ZFHX3: variants seen among roughly 807,000 people sequenced by gnomAD.
ZFHX3 encodes the protein zinc finger homeobox 3, also known as zinc finger homeobox protein 3.
A neutral mutation model predicts 279.1 loss-of-function variants in ZFHX3; 42 were observed. The ratio of observed to expected loss-of-function variants is 0.15; its 90% CI spans 0.12 to 0.19. ZFHX3 has a LOEUF of 0.19. ZFHX3 is among the 10% of genes least tolerant of loss of function. The pLI, the probability that ZFHX3 is intolerant of heterozygous loss-of-function variation, is 1.00. For synonymous variants in ZFHX3, 2,293 were observed against 1,957.8 expected (o/e 1.17, Z -4.52); for missense variants, 4,981 against 4,754.0 (o/e 1.05, Z -1.40).
At chr16:72,821,246 C>T (rs2036782928) in intron 5 of ZFHX3, among the ~76,000 whole-genome samples, 1 of 152,098 alleles carries the variant, frequency 6.6e-6, no homozygotes, top group Non-Finnish European at 1.5e-5. Context: ...AGAACTTATA[C>T]TTAGGGAAGA....
chr16:73,852,399 A>G (rs1446195410), intron 1 of ZFHX3, among the ~76,000 whole-genome samples: 1 of 152,202 alleles, frequency 6.6e-6, no homozygotes, highest in African/African-American at 2.4e-5. Context: ...ATATTTCAAT[A>G]TAAATTGTTT....
intron 5 of ZFHX3, among the ~76,000 whole-genome samples, chr16:73,182,538 G>A (rs977982957): frequency 1.3e-5 from 2 of 152,000 alleles, no homozygotes; most frequent in African/African-American, 4.8e-5. Flanking sequence ...CCCACTACTG[G>A]GTATCTACCC....
In ZFHX3 at chr16:72,917,184, C is replaced by A. The variant is rs537104365; in HGVS notation, c.3217-27222G>T. Among the ~76,000 whole-genome samples the A allele has an allele frequency of 6.0e-4, 91 of 152,246 alleles. 1 individual carries two copies. Among genetic ancestry groups the A allele is most frequent in the African/African-American group, 2.1e-3 (88 of 41,544 alleles). On this transcript the variant is annotated intron_variant, in intron 3 of 9. Coordinates refer to ENST00000268489, the MANE Select transcript of ZFHX3 (RefSeq NM_006885.4). The stretch of plus-strand genomic sequence containing the variant: ...TGATTCCAGAAGGCCGAGGCTACAG[C>A]GAGCCATGATCACACCACTGCACTC...
intron 3 of ZFHX3, among the ~76,000 whole-genome samples, chr16:73,394,391 G>T (rs1040629518): frequency 6.6e-6 from 1 of 151,988 alleles, no homozygotes; most frequent in African/African-American, 2.4e-5. Flanking sequence ...CCACCTCCTG[G>T]TTCAACTGAT....
chr16:72,898,711 T>A (rs1344352723), intron 3 of ZFHX3, among the ~76,000 whole-genome samples: 1 of 150,532 alleles, frequency 6.6e-6, no homozygotes, highest in Non-Finnish European at 1.5e-5. Context: ...GGCATGCATT[T>A]TTACCATTAT....
chr16:73,060,697 C>A (rs1299773039), upstream of ZFHX3: 1 of 152,124 alleles, frequency 6.6e-6, no homozygotes, highest in African/African-American at 2.4e-5. Context: ...TTTAAGTAAT[C>A]TGCAAATGTA....
At chr16:73,494,114 G>T (rs2019097509) in intron 2 of ZFHX3, among the ~76,000 whole-genome samples, 1 of 152,274 alleles carries the variant, frequency 6.6e-6, no homozygotes, top group East Asian at 1.9e-4. Flanking sequence ...GGTAGGTGCA[G>T]TTGGCACGAC....
intron 4 of ZFHX3, among the ~76,000 whole-genome samples, chr16:72,839,843 G>A (rs1380179043): frequency 6.6e-6 from 1 of 152,130 alleles, no homozygotes; most frequent in Non-Finnish European, 1.5e-5. Context: ...TCCTCTGTAG[G>A]AAGGGACATT....
intron 1 of ZFHX3, among the ~76,000 whole-genome samples, chr16:73,868,005 T>G (rs1377209495): frequency 6.6e-6 from 1 of 152,202 alleles, no homozygotes; most frequent in African/African-American, 2.4e-5. Flanking sequence ...GCTTCCTTCT[T>G]CATACCTCCA....
intron 1 of ZFHX3, among the ~76,000 whole-genome samples, chr16:73,812,101 T>C (rs916257275): frequency 6.6e-6 from 1 of 152,192 alleles, no homozygotes; most frequent in African/African-American, 2.4e-5. Flanking sequence ...TTCTGAGGCT[T>C]ATGGTGGTCT....
chr16:73,046,828 C>G (rs115245868), intron 1 of ZFHX3, among the ~76,000 whole-genome samples: 2,195 of 148,776 alleles, frequency 0.015, 55 homozygotes, highest in African/African-American at 0.05. Context: ...CAGGCAGAGC[C>G]ATCTGTTCTC....
At chr16:72,831,257 A>AGAGATGATG (rs2037053884) in intron 4 of ZFHX3, among the ~76,000 whole-genome samples, 1 of 152,226 alleles carries the variant, frequency 6.6e-6, no homozygotes, top group African/African-American at 2.4e-5. Flanking sequence ...TCTTGACTCA[A>AGAGATGATG]GAGATGATGG....
intron 3 of ZFHX3, among the ~76,000 whole-genome samples, chr16:72,905,953 G>C (rs1292065237): frequency 6.6e-6 from 1 of 152,130 alleles, no homozygotes; most frequent in Non-Finnish European, 1.5e-5. Flanking sequence ...CGTGGTTAAG[G>C]CTCTCACCTT....
At chr16:73,725,543 G>GA (rs199928982) in intron 1 of ZFHX3, among the ~76,000 whole-genome samples, 1 of 127,506 alleles carries the variant, frequency 7.8e-6, no homozygotes, top group Non-Finnish European at 1.7e-5. Flanking sequence ...GTGAGTGAGT[G>GA]TGTGTGTGTG....
intron 3 of ZFHX3, among the ~76,000 whole-genome samples, chr16:73,429,291 T>A (rs999951892): frequency 1.3e-5 from 2 of 152,282 alleles, no homozygotes; most frequent in Non-Finnish European, 2.9e-5. Flanking sequence ...CAGCTGCTAC[T>A]CACCTCCTAT....
At chr16:73,422,681 C>T (rs1255282165) in intron 3 of ZFHX3, among the ~76,000 whole-genome samples, 1 of 152,172 alleles carries the variant, frequency 6.6e-6, no homozygotes, top group Non-Finnish European at 1.5e-5. Flanking sequence ...CTCAAATACT[C>T]ATGTGCCTCC....
Position 72,795,881 on chromosome 16 carries a change from T to G in ZFHX3, c.6801A>C (p.Pro2267=). 6.2e-7 allele frequency: 1 copy of G among 1,614,210 alleles called. No individual in the cohort carries two copies. Residue 2267 remains proline (P), a synonymous_variant, in exon 9 of 10, where the codon CCA becomes CCC. Transcript: ENST00000268489. ...AGAGTTGCTCAAATTCATCATCCTT[T>G]GGGTAAGCATTGGCATCGAAGAAGT... ...LQDFFDANAY[P]KDDEFEQLSN... is the part of the protein sequence containing the mutation.
In ZFHX3 at chr16:72,889,853, G is replaced by A. The variant is rs1004406490; in HGVS notation, c.3326C>T (p.Ser1109Phe). Residue 1109 changes from serine to phenylalanine, a missense_variant, in exon 4 of 10, where the codon TCC (serine) becomes TTC (phenylalanine). Coordinates refer to ENST00000268489, the MANE Select transcript of ZFHX3 (RefSeq NM_006885.4). Reference protein sequence around the residue: ...AKLNLIQHVRSMKHQRSESLR... With the variant: ...AKLNLIQHVRFMKHQRSESLR... ...GCTCTCGCTTCGCTGGTGCTTCATG[G>A]AGCGCACATGCTGGATGAGGTTGAG... 3.7e-6 allele frequency: 6 copies of A among 1,614,172 alleles called. No individual in the cohort carries two copies. Among genetic ancestry groups the A allele is most frequent in the Non-Finnish European group, 5.1e-6 (6 of 1,180,040 alleles).
chr16:72,829,802 A>T lies in ZFHX3; in HGVS notation c.3506T>A (p.Leu1169His). 1 of 1,614,208 alleles carries T rather than the reference A, an allele frequency of 6.2e-7. No homozygotes were observed. Residue 1169 changes from leucine to histidine, a missense_variant, in exon 5 of 10, where the codon CTT (leucine) becomes CAT (histidine). Coordinates refer to ENST00000268489, the MANE Select transcript of ZFHX3 (RefSeq NM_006885.4). ...ACCTCCGCCCTCTTGGTCCTTAGCA[A>T]GCTCCTCTGGATCAGCAGCTGTTTC... ...PSETAADPEE[L>H]AKDQEGGASS...
Sources: gnomAD v4.1 joint callset for allele counts (sites outside exome capture counted in the v4.1 genomes callset) on GRCh38, gnomAD v4.1.1 for gene constraint, MANE v1.5 for transcripts, NCBI Gene and HGNC (gene_info 2026-07-23, HGNC 2026-07-21) for gene names.